Variants in C8orf34 observed in about 807,000 individuals in gnomAD.
C8orf34 encodes chromosome 8 open reading frame 34.
C8orf34 carries 65 observed loss-of-function variants against 68.3 expected under a neutral mutation model. That is an observed-to-expected ratio of 0.95 (90% CI 0.78 to 1.17). The LOEUF is 1.17. Ranked by LOEUF, C8orf34 falls within the 50% of genes most tolerant of loss-of-function variation. C8orf34 has a pLI of 0.00. For synonymous variants in C8orf34, 244 were observed against 241.2 expected, an observed-to-expected ratio of 1.01 and a Z score of -0.11; for missense variants, 664 against 655.4, an observed-to-expected ratio of 1.01 and a Z score of -0.14.
intron 7 of C8orf34, among the ~76,000 whole-genome samples, chr8:68,545,719 A>G (rs1563521646): frequency 2.0e-5 from 3 of 152,178 alleles, no homozygotes; most frequent in Non-Finnish European, 4.4e-5. Flanking sequence ...GCATTATAAG[A>G]ACTGTTAAAG....
chr8:68,527,085 CT>C (rs1475333814), intron 6 of C8orf34, among the ~76,000 whole-genome samples: 1 of 152,190 alleles, frequency 6.6e-6, no homozygotes, highest in Admixed American at 6.5e-5. Context: ...GAAATATTAA[CT>C]GCTAGTCTTT....
chr8:68,655,744 C>G (rs900780099), intron 8 of C8orf34, among the ~76,000 whole-genome samples: 1 of 152,024 alleles, frequency 6.6e-6, no homozygotes, highest in African/African-American at 2.4e-5. Flanking sequence ...TAACCCCATC[C>G]GTAAGTCGAG....
intron 7 of C8orf34, among the ~76,000 whole-genome samples, chr8:68,601,402 G>GT (rs371035026): frequency 4.0e-4 from 61 of 151,280 alleles, no homozygotes; most frequent in South Asian, 3.3e-3. Context: ...CCCTAAGACT[G>GT]TTTTTTTTGT....
chr8:68,541,605 C>T (rs1001199787), intron 7 of C8orf34, among the ~76,000 whole-genome samples: 4 of 152,214 alleles, frequency 2.6e-5, no homozygotes, highest in Non-Finnish European at 2.9e-5. Context: ...GAAGTTTGGC[C>T]TTAGGGGTTT....
intron 4 of C8orf34, among the ~76,000 whole-genome samples, chr8:68,472,969 C>CA (rs376125540): frequency 7.9e-5 from 12 of 152,036 alleles, no homozygotes; most frequent in Middle Eastern, 3.2e-3. Context: ...CTAATGTTAA[C>CA]AAAAAAACCC....
intron 10 of C8orf34, among the ~76,000 whole-genome samples, chr8:68,740,315 T>C (rs1822244789): frequency 1.3e-5 from 2 of 151,938 alleles, no homozygotes; most frequent in African/African-American, 4.8e-5. Context: ...AACAGACAAC[T>C]TACAGAATGG....
intron 1 of C8orf34, among the ~76,000 whole-genome samples, chr8:68,419,778 T>A (rs1286016991): frequency 7.7e-6 from 1 of 129,738 alleles, no homozygotes; most frequent in African/African-American, 3.0e-5. Flanking sequence ...AATTGAACAG[T>A]GAGAACACAT....
chr8:68,802,610 C>A (rs1268857271), intron 12 of C8orf34, among the ~76,000 whole-genome samples: 1 of 149,248 alleles, frequency 6.7e-6, no homozygotes, highest in East Asian at 2.1e-4. Flanking sequence ...ACCATCCTCT[C>A]ACCTCAGCCT....
At chr8:68,417,711 T>C (rs1307055011) in intron 1 of C8orf34, among the ~76,000 whole-genome samples, 1 of 152,110 alleles carries the variant, frequency 6.6e-6, no homozygotes, top group Non-Finnish European at 1.5e-5. Flanking sequence ...TCTGTTCAGT[T>C]TGAAGTCAGG....
intron 7 of C8orf34, among the ~76,000 whole-genome samples, chr8:68,585,796 A>G (rs1200451986): frequency 2.0e-5 from 3 of 152,130 alleles, no homozygotes; most frequent in African/African-American, 7.2e-5. Context: ...ATGGCAGCTA[A>G]CTACTCCCAG....
At chr8:68,490,666 A>C (rs1234292368) in intron 5 of C8orf34, among the ~76,000 whole-genome samples, 2 of 150,862 alleles carry the variant, frequency 1.3e-5, no homozygotes, top group Non-Finnish European at 2.9e-5. Context: ...AGATGCCAAA[A>C]GTTGTCATAA....
At chr8:68,517,715 C>A (rs778797573) in intron 5 of C8orf34, among the ~76,000 whole-genome samples, 1 of 152,142 alleles carries the variant, frequency 6.6e-6, no homozygotes, top group African/African-American at 2.4e-5. Flanking sequence ...ACTCTAAAAC[C>A]TTTTTCACTC....
Position 68,575,284 on chromosome 8 carries a change from T to C in C8orf34, c.1105+42135T>C, listed in dbSNP as rs190284870. Among the ~76,000 whole-genome samples the C allele has an allele frequency of 5.7e-3, 874 of 152,242 alleles. 17 individuals carry two copies. The highest frequency in any genetic ancestry group is 0.02 in the African/African-American group (842 of 41,574). Reference sequence around the variant, plus strand: ...TAAAATTGTTGTATACCTAAGTCAGTGTAAAAATAATTATCTAAAGCTAAA... The same window carrying C: ...TAAAATTGTTGTATACCTAAGTCAGCGTAAAAATAATTATCTAAAGCTAAA... On this transcript the variant is annotated intron_variant, in intron 7 of 13. Transcript: ENST00000518698.
In C8orf34 at chr8:68,654,719, C is replaced by A. The variant is rs530948256; in HGVS notation, c.1241+14208C>A. 1.1e-4 allele frequency among the ~76,000 whole-genome samples: 17 copies of A among 152,072 alleles called. No homozygotes were observed. The South Asian group carries it at 1.5e-3, about 13-fold the overall frequency. ...CCATGGGGATATAAAAAGGAAATAC[C>A]TCAACTTCTACATGATTTCTACATT... On this transcript the variant is annotated intron_variant, in intron 8 of 13. Transcript: ENST00000518698.
chr8:68,331,607 C>T, intron 1 of C8orf34: 1 of 500,794 alleles, frequency 2.0e-6, no homozygotes. Context: ...AAGTTTTGGC[C>T]CTCTGACTGT....
chr8:68,383,748 A>G (rs1188263012), intron 1 of C8orf34, among the ~76,000 whole-genome samples: 1 of 152,194 alleles, frequency 6.6e-6, no homozygotes, highest in Non-Finnish European at 1.5e-5. Flanking sequence ...TTGTGCTGAG[A>G]ATTGCTCATT....
intron 1 of C8orf34, among the ~76,000 whole-genome samples, chr8:68,344,687 G>A (rs1486363428): frequency 6.6e-6 from 1 of 152,098 alleles, no homozygotes; most frequent in African/African-American, 2.4e-5. Context: ...AAAGTAGACA[G>A]GGTTGCATAA....
At chr8:68,603,953 C>A (rs1211322137) in intron 7 of C8orf34, among the ~76,000 whole-genome samples, 3 of 151,974 alleles carry the variant, frequency 2.0e-5, no homozygotes, top group African/African-American at 7.3e-5. Context: ...GACTAATAAT[C>A]AAATTAGAAG....
chr8:68,804,094 G>A (rs1035293415), intron 12 of C8orf34, among the ~76,000 whole-genome samples: 1 of 152,078 alleles, frequency 6.6e-6, no homozygotes, highest in African/African-American at 2.4e-5. Flanking sequence ...CAGAATAATT[G>A]CAGTCTAACA....
Sources: gnomAD v4.1 joint callset for allele counts (sites outside exome capture counted in the v4.1 genomes callset) on GRCh38, gnomAD v4.1.1 for gene constraint, MANE v1.5 for transcripts, NCBI Gene and HGNC (gene_info 2026-07-23, HGNC 2026-07-21) for gene names.